Variants in DCLRE1C observed in about 807,000 individuals in gnomAD.
DCLRE1C encodes DNA cross-link repair 1C.
In DCLRE1C, 47 loss-of-function variants were observed where a neutral mutation model predicts 61.4. The ratio of observed to expected loss-of-function variants is 0.77; its 90% CI spans 0.61 to 0.98. The LOEUF is 0.98. DCLRE1C is among the 50% of genes least tolerant of loss of function. The pLI, the probability that DCLRE1C is intolerant of heterozygous loss-of-function variation, is 0.00. For missense variants in DCLRE1C, 858 were observed against 816.0 expected (o/e 1.05, Z -0.63); for synonymous variants, 337 against 287.6 (o/e 1.17, Z -1.74).
rs191964401 is a variant in DCLRE1C at position 14,932,500 on chromosome 10, G to C, written c.780+354C>G. Among the ~76,000 whole-genome samples, 8 of 151,946 alleles carry C rather than the reference G, an allele frequency of 5.3e-5. No homozygotes were observed. The East Asian group carries it at 1.6e-3, about 30-fold the overall frequency. ...AAATAACAAAAAATTAGCCGTGCAT[G>C]GTGGCGGGCGCCTGTAGTCCCAGCT... On this transcript the variant is annotated intron_variant, in intron 9 of 13. Transcript: ENST00000378278.
At chr10:14,912,059 T>C (rs1395131825) in intron 13 of DCLRE1C, among the ~76,000 whole-genome samples, 1 of 152,230 alleles carries the variant, frequency 6.6e-6, no homozygotes, top group Non-Finnish European at 1.5e-5. Flanking sequence ...TGTTATGAAC[T>C]GAACGCTTCC....
At position 14,939,869 on chromosome 10, in the gene DCLRE1C, T is replaced by G. The variant is rs746658739; in HGVS notation, c.247A>C (p.Ile83Leu). 1.3e-6 allele frequency: 2 copies of G among 1,590,552 alleles called. No individual in the cohort carries two copies. Among genetic ancestry groups the G allele is most frequent in the Non-Finnish European group, 1.7e-6 (2 of 1,160,992 alleles). ...GTAGGAGTCTCGATTTCAATAGATA[T>G]CTATAAAAATAAAATAAGAGACCAT... ...PKYRFWKKRI[I>L]SIEIETPTQI... The change falls in exon 4 of 14, where the codon ATA becomes CTA. Residue 83 changes from isoleucine (I) to leucine (L), a missense_variant and splice_region_variant. Physicochemically the swap from Ile to Leu is conservative, Grantham distance 5 (BLOSUM62 2). Around this residue, in one of 2 missense-constraint regions of DCLRE1C, gnomAD observed 843 missense variants for 783.5 expected, o/e 1.08. Coordinates refer to ENST00000378278, the MANE Select transcript of DCLRE1C (RefSeq NM_001033855.3).
intron 13 of DCLRE1C, among the ~76,000 whole-genome samples, chr10:14,913,057 G>A (rs987984685): frequency 7.2e-5 from 11 of 151,782 alleles, no homozygotes; most frequent in Non-Finnish European, 1.3e-4. Flanking sequence ...GGGTTTCACC[G>A]TGTTAGCCAG....
chr10:14,901,923 A>T (rs1588866486), downstream of DCLRE1C, among the ~76,000 whole-genome samples: 1 of 152,204 alleles, frequency 6.6e-6, no homozygotes, highest in African/African-American at 2.4e-5. Flanking sequence ...AATTTATTCT[A>T]TTCCTACTTG....
At chr10:14,912,238 C>G (rs1835376160) in intron 13 of DCLRE1C, among the ~76,000 whole-genome samples, 2 of 152,016 alleles carry the variant, frequency 1.3e-5, no homozygotes, top group Admixed American at 6.5e-5. Flanking sequence ...TTTTTTTAAG[C>G]AGAGACAAGT....
At chr10:14,930,732 C>T (rs985691226) in intron 9 of DCLRE1C, among the ~76,000 whole-genome samples, 1 of 152,096 alleles carries the variant, frequency 6.6e-6, no homozygotes, top group South Asian at 2.1e-4. Context: ...CACACCCGGC[C>T]GGTTTACGTT....
chr10:14,948,026 G>T (rs1841943452), intron 2 of DCLRE1C, among the ~76,000 whole-genome samples: 1 of 152,030 alleles, frequency 6.6e-6, no homozygotes. Flanking sequence ...CTCCAGCCTG[G>T]GCGACAGAGC....
At chr10:14,900,131 T>A (rs1228312475), downstream of DCLRE1C, among the ~76,000 whole-genome samples, 3 of 152,188 alleles carry the variant, frequency 2.0e-5, no homozygotes, top group South Asian at 2.1e-4. Context: ...AATTTAAAGA[T>A]TTGTAGAGTA....
chr10:14,913,339 A>AG (rs1835616716), intron 13 of DCLRE1C, among the ~76,000 whole-genome samples: 1 of 152,234 alleles, frequency 6.6e-6, no homozygotes, highest in Non-Finnish European at 1.5e-5. Context: ...CAATTCTGTT[A>AG]TACTAACAGT....
rs566354848 is a variant in DCLRE1C at position 14,918,026 on chromosome 10, C to T, written c.1156+1712G>A. ...GTCTAACCATACCAAGTATTGGCAACGATGTGGAGCAACTGAACTCTCATA... is the reference window on the plus strand; with the variant it reads ...GTCTAACCATACCAAGTATTGGCAATGATGTGGAGCAACTGAACTCTCATA... On this transcript the variant is annotated intron_variant, in intron 13 of 13. Transcript: ENST00000378278. Among the ~76,000 whole-genome samples the T allele has an allele frequency of 1.1e-4, 16 of 152,252 alleles. No individual in the cohort carries two copies. In the South Asian group the frequency reaches 1.2e-3, roughly 12 times the overall value.
At chr10:14,909,365 A>C in intron 13 of DCLRE1C, 35 bp from the exon 14 acceptor site, 6 of 1,590,080 alleles carry the variant, frequency 3.8e-6, no homozygotes, top group Non-Finnish European at 5.2e-6. Flanking sequence ...ATAGGAAACA[A>C]GGCAAAGGGA....
At chr10:14,917,301 G>C (rs1350915824) in intron 13 of DCLRE1C, among the ~76,000 whole-genome samples, 1 of 151,994 alleles carries the variant, frequency 6.6e-6, no homozygotes, top group Non-Finnish European at 1.5e-5. Context: ...ACAACTTCTG[G>C]CAGAAAACAG....
intron 5 of DCLRE1C, among the ~76,000 whole-genome samples, chr10:14,936,326 CTTT>C (rs201889030): frequency 7.3e-6 from 1 of 137,240 alleles, no homozygotes; most frequent in East Asian, 2.1e-4. Context: ...TTCTTTCTTT[CTTT>C]TTTTTTTTTT....
downstream of DCLRE1C, chr10:14,899,767 T>A: frequency 6.8e-7 from 1 of 1,473,246 alleles, no homozygotes; most frequent in Non-Finnish European, 9.2e-7. Context: ...TAATTCCCTT[T>A]AAACTACATA....
At position 14,905,995 on chromosome 10, in the gene DCLRE1C, CA is replaced by C. The variant is rs999958003; in HGVS notation, c.*2412del. On this transcript the variant is annotated 3_prime_UTR_variant, in exon 14 of 14. Transcript: ENST00000378278. ...AGACTCCATCTTGAAAAGTAAAAAA[CA>C]AAAACTTCATGTTTCCTCTTGTGGT... Among the ~76,000 whole-genome samples the C allele has an allele frequency of 6.6e-6, 1 of 152,096 alleles. No individual in the cohort carries two copies. The highest frequency in any genetic ancestry group is 1.5e-5 in the Non-Finnish European group (1 of 68,014).
At chr10:14,931,796 T>C (rs186085410) in intron 9 of DCLRE1C, among the ~76,000 whole-genome samples, 2 of 152,278 alleles carry the variant, frequency 1.3e-5, no homozygotes, top group Non-Finnish European at 2.9e-5. Flanking sequence ...CCCAACACTT[T>C]GGAAGGCCAA....
chr10:14,923,034 G>A lies in DCLRE1C; in HGVS notation c.1008C>T (p.Asn336=), dbSNP rs115524993. 4.9e-4 allele frequency: 785 copies of A among 1,614,012 alleles called. 4 individuals are homozygous for A. The African/African-American group carries it at 7.7e-3, about 16-fold the overall frequency. The change falls in exon 12 of 14, where the codon AAC becomes AAT. Residue 336 remains asparagine, a synonymous_variant. Transcript: ENST00000378278. ...CAACTGGAATGACATTTGGATATGC[G>A]TTCACAGGACAGAGGTAGCTCAAGA... The part of the protein sequence containing the change: ...KDFLSYLCPV[N]AYPNVIPVGT...
chr10:14,902,560 G>T, downstream of DCLRE1C: 1 of 1,230,584 alleles, frequency 8.1e-7, no homozygotes, highest in Non-Finnish European at 1.1e-6. Flanking sequence ...TTTTCCTAAT[G>T]TTAACATTTT....
At chr10:14,941,945 G>A (rs1589118872) in intron 3 of DCLRE1C, among the ~76,000 whole-genome samples, 2 of 152,120 alleles carry the variant, frequency 1.3e-5, no homozygotes, top group African/African-American at 2.4e-5. Context: ...TGATTCTGCC[G>A]TGGCCTTGTT....
Sources: allele counts gnomAD v4.1 joint callset (sites outside exome capture counted in the v4.1 genomes callset), GRCh38; gene constraint gnomAD v4.1.1; regional missense constraint gnomAD v4.1.1; transcripts MANE v1.5; gene names NCBI Gene and HGNC (gene_info 2026-07-23, HGNC 2026-07-21).